The following FER variants were observed in gnomAD, a reference collection of about 807,000 sequenced individuals.
FER encodes tyrosine-protein kinase Fer.
Under a neutral mutation model 111.0 loss-of-function variants are expected in FER, and 63 were observed. The observed-to-expected ratio is 0.57, with a 90% CI of 0.46 to 0.70. The LOEUF (loss-of-function observed/expected upper bound fraction) is 0.70. Among genes scored for constraint, FER ranks in the 30% least tolerant of loss-of-function variants. FER has a pLI of 0.00. For missense variants in FER, 914 were observed against 954.0 expected (o/e 0.96, Z 0.55); for synonymous variants, 327 against 313.9 (o/e 1.04, Z -0.44).
intron 1 of FER, among the ~76,000 whole-genome samples, chr5:108,754,406 CAAAAAA>C (rs34475850): frequency 5.8e-5 from 5 of 86,536 alleles, no homozygotes; most frequent in Admixed American, 1.4e-4. Flanking sequence ...GTCCCTGTCT[CAAAAAA>C]AAAAAAAAAA....
intron 13 of FER, among the ~76,000 whole-genome samples, chr5:108,992,921 T>G (rs1259568834): frequency 6.9e-6 from 1 of 145,668 alleles, no homozygotes; most frequent in Non-Finnish European, 1.5e-5. Context: ...GCAGAGACGC[T>G]TCCCACATCT....
rs992088822 is a variant in FER, at chr5:108,912,778, T to A, written c.1236+14930T>A. On this transcript the variant is annotated intron_variant, in intron 10 of 19. Transcript: ENST00000281092. ...AAGGATTGAAGGCCTGGGAAAAAAA[T>A]TTGGGGGGTATTACCTGGGCTGGTT... is the stretch of plus-strand genomic sequence containing the variant. Among the ~76,000 whole-genome samples the A allele has an allele frequency of 3.8e-4, 57 of 151,968 alleles. 1 individual carries two copies. Among genetic ancestry groups the A allele is most frequent in the African/African-American group, 1.4e-3 (56 of 41,454 alleles).
chr5:109,081,419 T>G (rs77493505), intron 16 of FER, among the ~76,000 whole-genome samples: 1 of 152,134 alleles, frequency 6.6e-6, no homozygotes, highest in East Asian at 1.9e-4. Context: ...CCTCTTTCAT[T>G]ACGATCTGAA....
intron 17 of FER, among the ~76,000 whole-genome samples, chr5:109,140,598 A>G (rs1387605309): frequency 6.6e-6 from 1 of 152,182 alleles, no homozygotes; most frequent in African/African-American, 2.4e-5. Flanking sequence ...CTAAATACAA[A>G]AGCCTGTTAA....
intron 17 of FER, among the ~76,000 whole-genome samples, chr5:109,151,154 G>C (rs1754803383): frequency 6.6e-6 from 1 of 151,980 alleles, no homozygotes; most frequent in African/African-American, 2.4e-5. Flanking sequence ...GGAGGTTTCA[G>C]ATTTTTTAAA....
chr5:108,929,757 A>T (rs1174624379), intron 10 of FER, among the ~76,000 whole-genome samples: 3 of 152,214 alleles, frequency 2.0e-5, no homozygotes, highest in African/African-American at 4.8e-5. Context: ...TCTCCAAGTT[A>T]AAAATACTTT....
intron 9 of FER, among the ~76,000 whole-genome samples, chr5:108,884,639 C>T (rs61170909): frequency 6.6e-6 from 1 of 151,538 alleles, no homozygotes; most frequent in Non-Finnish European, 1.5e-5. Context: ...TTAAAATATA[C>T]TTAAGTCTTG....
At position 109,122,596 on chromosome 5, in the gene FER, A is replaced by C. The variant is rs182462660; in HGVS notation, c.2048+22077A>C. ...TATCTATTAGGTCCAATTGGTATAT[A>C]GTGCCGATTAAGTTCAATGTGTCTT... On this transcript the variant is annotated intron_variant, in intron 17 of 19. Coordinates refer to ENST00000281092, the MANE Select transcript of FER (RefSeq NM_005246.4). Among the ~76,000 whole-genome samples, 388 of 151,496 alleles carry C rather than the reference A, an allele frequency of 2.6e-3. 2 individuals carry two copies. The highest frequency in any genetic ancestry group is 9.0e-3 in the African/African-American group (370 of 41,304).
rs146490857 is a variant in FER at position 108,882,590 on chromosome 5, G to A, written c.924-806G>A. Among the ~76,000 whole-genome samples, 411 of 151,692 alleles carry A rather than the reference G, an allele frequency of 2.7e-3. 2 individuals are homozygous for A. The highest frequency in any genetic ancestry group is 4.4e-3 in the Non-Finnish European group (300 of 67,858). ...AAAAGGGCTCTTTCTGGTAATTTGC[G>A]CTGCAGGTATTTCTTCAGGTTTGCT... On this transcript the variant is annotated intron_variant, in intron 8 of 19. Transcript: ENST00000281092.
chr5:108,827,701 A>T (rs1345879321), intron 3 of FER, among the ~76,000 whole-genome samples: 1 of 150,106 alleles, frequency 6.7e-6, no homozygotes, highest in Non-Finnish European at 1.5e-5. Flanking sequence ...GCTGTATTTT[A>T]TTTCTGTTTC....
intron 5 of FER, among the ~76,000 whole-genome samples, chr5:108,839,858 T>C (rs1010147596): frequency 2.6e-5 from 4 of 152,050 alleles, no homozygotes; most frequent in Non-Finnish European, 5.9e-5. Flanking sequence ...ATTACAGGCG[T>C]GAGCCACCGC....
At chr5:108,836,953 T>C (rs1215226669) in intron 5 of FER, among the ~76,000 whole-genome samples, 1 of 152,104 alleles carries the variant, frequency 6.6e-6, no homozygotes, top group African/African-American at 2.4e-5. Context: ...TGTATGCATA[T>C]TCACAGTTTC....
intron 13 of FER, among the ~76,000 whole-genome samples, chr5:108,997,284 G>C (rs1268385026): frequency 2.6e-5 from 4 of 151,396 alleles, no homozygotes; most frequent in African/African-American, 7.3e-5. Flanking sequence ...CGGGCTTGGT[G>C]GTGGGCGCCT....
At chr5:109,089,323 T>C (rs1030687832) in intron 16 of FER, among the ~76,000 whole-genome samples, 1 of 152,196 alleles carries the variant, frequency 6.6e-6, no homozygotes, top group African/African-American at 2.4e-5. Flanking sequence ...GATGGAATTG[T>C]TACCCCTTTC....
intron 13 of FER, among the ~76,000 whole-genome samples, chr5:108,997,042 C>T (rs951157998): frequency 1.3e-5 from 2 of 151,994 alleles, no homozygotes; most frequent in African/African-American, 4.8e-5. Context: ...TGGGAGTTCA[C>T]TCATGATTTG....
chr5:109,128,708 C>G (rs1752023565), intron 17 of FER, among the ~76,000 whole-genome samples: 1 of 151,828 alleles, frequency 6.6e-6, no homozygotes, highest in South Asian at 2.1e-4. Flanking sequence ...GTCAATGTAC[C>G]TAAAATAATA....
chr5:108,986,313 T>G (rs1182970945), intron 13 of FER, among the ~76,000 whole-genome samples: 1 of 151,858 alleles, frequency 6.6e-6, no homozygotes, highest in Non-Finnish European at 1.5e-5. Context: ...TTTTCCTGAT[T>G]TGTTTGACTT....
intron 3 of FER, among the ~76,000 whole-genome samples, chr5:108,828,438 A>T (rs946038340): frequency 6.6e-6 from 1 of 152,140 alleles, no homozygotes; most frequent in African/African-American, 2.4e-5. Flanking sequence ...TCAGTCTCTC[A>T]TTCTTCATTT....
At position 109,193,231 on chromosome 5, in the gene FER, AG is replaced by A. The variant is rs1033112530; in HGVS notation, c.*5658del. On this transcript the variant is annotated 3_prime_UTR_variant, in exon 20 of 20. Transcript: ENST00000281092. ...ATTACCCTTGCTCTGTTTATCTGTG[AG>A]GCCTCAGACACAACGGTGGTTCAGC... is the stretch of plus-strand genomic sequence containing the variant. The A allele has an allele frequency of 2.6e-5, 4 of 152,136 alleles. No homozygotes were observed. The highest frequency in any genetic ancestry group is 9.7e-5 in the African/African-American group (4 of 41,408). The allele number at this position is 152,136 out of a possible 1,614,324, so 9.4% of individuals were successfully genotyped here.
Sources: allele counts gnomAD v4.1 joint callset (sites outside exome capture counted in the v4.1 genomes callset), GRCh38; gene constraint gnomAD v4.1.1; transcripts MANE v1.5; gene names NCBI Gene and HGNC (gene_info 2026-07-23, HGNC 2026-07-21).